CPAMD8: variants seen among roughly 807,000 people sequenced by gnomAD.
CPAMD8 encodes C3 and PZP like alpha-2-macroglobulin domain containing 8.
Under a neutral mutation model 224.7 loss-of-function variants are expected in CPAMD8, and 146 were observed. The observed-to-expected ratio is 0.65, with a 90% CI of 0.57 to 0.75. The LOEUF (loss-of-function observed/expected upper bound fraction) is 0.75. CPAMD8 is among the 30% of genes least tolerant of loss of function. The pLI is 0.00. For synonymous variants in CPAMD8, 966 were observed against 1,044.6 expected, an observed-to-expected ratio of 0.92 and a Z score of 1.45; for missense variants, 2,301 against 2,537.5, an observed-to-expected ratio of 0.91 and a Z score of 2.00.
At chr19:16,998,224 C>T (rs1466403280) in intron 10 of CPAMD8, among the ~76,000 whole-genome samples, 1 of 152,182 alleles carries the variant, frequency 6.6e-6, no homozygotes, top group Non-Finnish European at 1.5e-5. Flanking sequence ...CTTTGGAAGG[C>T]CAGCAGCGGC....
chr19:16,895,846 TC>T, intron 41 of CPAMD8: 4 of 503,430 alleles, frequency 7.9e-6, no homozygotes, highest in East Asian at 5.0e-5. Context: ...ACACTGCTGG[TC>T]CCCCCAGCAT....
At chr19:16,991,063 G>A (rs1322106885) in intron 12 of CPAMD8, among the ~76,000 whole-genome samples, 6 of 151,282 alleles carry the variant, frequency 4.0e-5, no homozygotes, top group Middle Eastern at 3.2e-3. Context: ...TTAGTCCCAT[G>A]GCCAATGATT....
In CPAMD8 at chr19:16,970,835, C is replaced by T. The variant is rs888522450; in HGVS notation, c.2213+56G>A. 3.9e-6 allele frequency: 6 copies of T among 1,544,968 alleles called. No homozygotes were observed. The East Asian group carries it at 1.4e-4, about 35-fold the overall frequency. ...GCAGCCAGGAAGGACAAAGACAAGC[C>T]CCAGATGTTAATAGGACCAGGGTTA... On this transcript the variant is annotated intron_variant, in intron 18 of 41. Transcript: ENST00000443236.
At chr19:16,949,525 C>T (rs1318756459) in intron 20 of CPAMD8, among the ~76,000 whole-genome samples, 1 of 152,170 alleles carries the variant, frequency 6.6e-6, no homozygotes, top group African/African-American at 2.4e-5. Flanking sequence ...CTGAGTCTAA[C>T]ATCTCCCATT....
At chr19:17,007,326 C>T (rs1043891753) in intron 7 of CPAMD8, among the ~76,000 whole-genome samples, 4 of 145,032 alleles carry the variant, frequency 2.8e-5, no homozygotes, top group Admixed American at 1.4e-4. Context: ...AATAGCAAGA[C>T]TGTATTTTAA....
chr19:16,979,274 C>T lies in CPAMD8; in HGVS notation c.1585+1223G>A, dbSNP rs917435946. Among the ~76,000 whole-genome samples, 6 of 150,870 alleles carry T rather than the reference C, an allele frequency of 4.0e-5. No individual in the cohort carries two copies. The South Asian group carries it at 1.3e-3, about 32-fold the overall frequency. ...CCTCATCCACCCACCCATTAGCCAT[C>T]CATCCATCCATCCTTCTGTACCTCC... On this transcript the variant is annotated intron_variant, in intron 14 of 41. Coordinates refer to ENST00000443236, the MANE Select transcript of CPAMD8 (RefSeq NM_015692.5).
chr19:17,001,562 G>A (rs1485470330), intron 9 of CPAMD8, among the ~76,000 whole-genome samples: 2 of 145,206 alleles, frequency 1.4e-5, no homozygotes, highest in African/African-American at 2.6e-5. Flanking sequence ...AATACACAGC[G>A]GGAGAGGGGC....
Position 16,896,173 on chromosome 19 carries a change from T to C in CPAMD8, c.5426+3A>G, listed in dbSNP as rs2051974625. The C allele has an allele frequency of 1.9e-6, 3 of 1,613,630 alleles. No homozygotes were observed. Among genetic ancestry groups the C allele is most frequent in the Non-Finnish European group, 2.5e-6 (3 of 1,179,928 alleles). On this transcript the variant is annotated splice_donor_region_variant and intron_variant, in intron 41 of 41. Coordinates refer to ENST00000443236, the MANE Select transcript of CPAMD8 (RefSeq NM_015692.5). Reference sequence around the variant, plus strand: ...TTATCTCTGGGGTGGGCCCAGCTGTTACCTGTCCTCCGCCTCCCCTTCAGG... The same window carrying C: ...TTATCTCTGGGGTGGGCCCAGCTGTCACCTGTCCTCCGCCTCCCCTTCAGG...
intron 13 of CPAMD8, among the ~76,000 whole-genome samples, chr19:16,984,502 T>C (rs1294903407): frequency 6.6e-6 from 1 of 152,082 alleles, no homozygotes; most frequent in Non-Finnish European, 1.5e-5. Context: ...TTCTTTGAGA[T>C]GTGGCATCGG....
At chr19:16,904,141 TG>T in intron 32 of CPAMD8, 84 bp downstream of exon 32, 1 of 1,428,566 alleles carries the variant, frequency 7.0e-7, no homozygotes, top group Non-Finnish European at 9.5e-7. Context: ...CCAGACTGCC[TG>T]GCCACCTCAG....
Position 17,002,351 on chromosome 19 carries a change from C to T in CPAMD8, c.674-1G>A. 1 of 1,601,942 alleles carries T rather than the reference C, an allele frequency of 6.2e-7. No homozygotes were observed. The highest frequency in any genetic ancestry group is 8.5e-7 in the Non-Finnish European group (1 of 1,172,442). On this transcript the variant is annotated splice_acceptor_variant, in intron 8 of 41. Coordinates refer to ENST00000443236, the MANE Select transcript of CPAMD8 (RefSeq NM_015692.5). LOFTEE classifies it high-confidence loss of function. ...ATCAGAAGCTCAAACTTGGGCAACA[C>T]TGAAGAAAGCAAGCAGAGAGGAGGG...
At chr19:16,976,181 A>G (rs1312610645) in intron 15 of CPAMD8, 30 bp from the exon 16 acceptor site, 4 of 1,592,776 alleles carry the variant, frequency 2.5e-6, no homozygotes, top group South Asian at 1.1e-5. Context: ...GGGATAAGAA[A>G]CTTGGTTCAG....
chr19:16,947,146 C>T lies in CPAMD8; in HGVS notation c.2590G>A (p.Val864Met). Residue 864 changes from valine (V) to methionine (M), a missense_variant, in exon 21 of 42, where the codon GTG (valine) becomes ATG (methionine). Around this residue, in one of 4 missense-constraint regions of CPAMD8, gnomAD observed 1,709 missense variants for 1,753.2 expected, o/e 0.97. Coordinates refer to ENST00000443236, the MANE Select transcript of CPAMD8 (RefSeq NM_015692.5). ...GKRHVTKKMC[V>M]APGEAEPIWV... ...ATGGGCTCAGCCTCCCCGGGGGCCA[C>T]ACACATCTTCTTGGTCACATGGCGT... is the stretch of plus-strand genomic sequence containing the variant. 6.2e-7 allele frequency: 1 copy of T among 1,613,808 alleles called. No individual in the cohort carries two copies. The highest frequency in any genetic ancestry group is 8.5e-7 in the Non-Finnish European group (1 of 1,179,824).
intron 29 of CPAMD8, among the ~76,000 whole-genome samples, chr19:16,911,411 G>C (rs2052722741): frequency 6.6e-6 from 1 of 151,732 alleles, no homozygotes; most frequent in African/African-American, 2.4e-5. Context: ...GCCCAGGCTG[G>C]AGTGCAGTGG....
At position 16,970,824 on chromosome 19, in the gene CPAMD8, C is replaced by A. The variant is rs896842948; in HGVS notation, c.2213+67G>T. 7 of 1,471,530 alleles carry A rather than the reference C, an allele frequency of 4.8e-6. No individual in the cohort carries two copies. The African/African-American group carries it at 8.5e-5, about 18-fold the overall frequency. 91.2% of individuals were successfully genotyped at this position (1,471,530 alleles called of 1,614,324 possible). A position where few individuals can be genotyped will look rare whatever the true frequency, so the allele number is the denominator to read the frequency against. ...CTTCTGTTATAGCAGCCAGGAAGGA[C>A]AAAGACAAGCCCCAGATGTTAATAG... is the stretch of plus-strand genomic sequence containing the variant. On this transcript the variant is annotated intron_variant, in intron 18 of 41. Coordinates refer to ENST00000443236, the MANE Select transcript of CPAMD8 (RefSeq NM_015692.5).
intron 7 of CPAMD8, 138 bp from the exon 8 acceptor site, chr19:17,004,524 C>A (rs1320612124): frequency 4.9e-6 from 3 of 611,312 alleles, no homozygotes; most frequent in South Asian, 1.9e-5. Flanking sequence ...GAGAAGCTGG[C>A]GGGGTCTGTG....
chr19:16,970,453 G>A (rs1260409717), intron 18 of CPAMD8, among the ~76,000 whole-genome samples: 1 of 150,546 alleles, frequency 6.6e-6, no homozygotes, highest in Non-Finnish European at 1.5e-5. Context: ...CAGGCATGGT[G>A]GCATGCCTGT....
At chr19:16,932,730 G>T (rs990433064) in intron 23 of CPAMD8, among the ~76,000 whole-genome samples, 1 of 152,026 alleles carries the variant, frequency 6.6e-6, no homozygotes, top group African/African-American at 2.4e-5. Flanking sequence ...CAAAATTTTG[G>T]TGTCCCAGAA....
At chr19:16,969,931 A>G (rs1306924847) in intron 18 of CPAMD8, among the ~76,000 whole-genome samples, 2 of 150,354 alleles carry the variant, frequency 1.3e-5, no homozygotes, top group Non-Finnish European at 1.5e-5. Flanking sequence ...TGTTAATATT[A>G]TACTTTAAAA....
Sources: allele counts gnomAD v4.1 joint callset (sites outside exome capture counted in the v4.1 genomes callset), GRCh38; gene constraint gnomAD v4.1.1; regional missense constraint gnomAD v4.1.1; transcripts MANE v1.5; gene names NCBI Gene and HGNC (gene_info 2026-07-23, HGNC 2026-07-21).